KCNN3: variants seen among roughly 807,000 people sequenced by gnomAD.
The protein encoded by KCNN3 is small conductance calcium-activated potassium channel protein 3.
Under a neutral mutation model 62.9 loss-of-function variants are expected in KCNN3, and 16 were observed. That is an observed-to-expected ratio of 0.25 (90% confidence interval 0.17 to 0.39). KCNN3 has a LOEUF of 0.39. KCNN3 is among the 10% of genes least tolerant of loss of function. The pLI is 1.00. For missense variants in KCNN3, 599 were observed against 949.4 expected (o/e 0.63, Z 4.85); for synonymous variants, 370 against 389.2 (o/e 0.95, Z 0.58).
At chr1:154,735,811 C>A (rs1377677668) in intron 3 of KCNN3, among the ~76,000 whole-genome samples, 1 of 152,224 alleles carries the variant, frequency 6.6e-6, no homozygotes. Flanking sequence ...CAGACCCTAT[C>A]CTCAGGCCCT....
intron 2 of KCNN3, among the ~76,000 whole-genome samples, chr1:154,810,991 T>A (rs1224213085): frequency 6.6e-6 from 1 of 152,198 alleles, no homozygotes; most frequent in East Asian, 1.9e-4. Flanking sequence ...AGTTGCTTTA[T>A]CTATAAAGGG....
At position 154,732,980 on chromosome 1, in the gene KCNN3, A is replaced by G. The variant is rs369299689; in HGVS notation, c.1590+23T>C. The stretch of plus-strand genomic sequence containing the variant: ...TCTTTGCCACATTTTAAGGGTAGGG[A>G]ATGGGGAGAGGCGGGTACTCACCAT... On this transcript the variant is annotated intron_variant, in intron 4 of 7. Coordinates refer to ENST00000271915, the MANE Select transcript of KCNN3 (RefSeq NM_002249.6). 3.5e-5 allele frequency: 57 copies of G among 1,613,550 alleles called. No individual in the cohort carries two copies. The African/African-American group carries it at 7.3e-4, about 21-fold the overall frequency.
intron 4 of KCNN3, among the ~76,000 whole-genome samples, chr1:154,729,673 A>T (rs952898700): frequency 8.5e-5 from 13 of 152,228 alleles, no homozygotes; most frequent in African/African-American, 3.1e-4. Flanking sequence ...TTACAGTTGG[A>T]TTCTGTTTCT....
At chr1:154,725,132 G>A (rs1415397270) in intron 5 of KCNN3, among the ~76,000 whole-genome samples, 1 of 152,182 alleles carries the variant, frequency 6.6e-6, no homozygotes, top group Non-Finnish European at 1.5e-5. Context: ...GGGATTACAG[G>A]CGTGAGCCGC....
At chr1:154,833,541 A>G (rs1651459968) in intron 1 of KCNN3, among the ~76,000 whole-genome samples, 1 of 152,220 alleles carries the variant, frequency 6.6e-6, no homozygotes, top group Admixed American at 6.5e-5. Flanking sequence ...TAGCTGGAAG[A>G]GGCCTTCTAA....
chr1:154,820,884 T>G (rs1352476259), intron 2 of KCNN3, among the ~76,000 whole-genome samples: 2 of 152,238 alleles, frequency 1.3e-5, no homozygotes, highest in Non-Finnish European at 2.9e-5. Context: ...CCAGCCACAG[T>G]GGCCCCTGAC....
chr1:154,749,555 T>C (rs1429572445), intron 3 of KCNN3, among the ~76,000 whole-genome samples: 1 of 152,206 alleles, frequency 6.6e-6, no homozygotes, highest in East Asian at 1.9e-4. Context: ...GTGGGAGCTC[T>C]GGTTGGGCGT....
At chr1:154,868,568 G>A (rs1034834329) in intron 1 of KCNN3, among the ~76,000 whole-genome samples, 9 of 149,312 alleles carry the variant, frequency 6.0e-5, no homozygotes, top group Non-Finnish European at 1.3e-4. Flanking sequence ...GCAGGGAGGG[G>A]AGGAAAGAAG....
chr1:154,861,333 T>TGC (rs1392353713), intron 1 of KCNN3, among the ~76,000 whole-genome samples: 41 of 152,150 alleles, frequency 2.7e-4, no homozygotes, highest in Non-Finnish European at 7.4e-5. Context: ...TGCAGAACTC[T>TGC]GCAGCCCTGG....
intron 3 of KCNN3, among the ~76,000 whole-genome samples, chr1:154,757,819 G>A (rs1320888921): frequency 3.3e-5 from 5 of 152,170 alleles, no homozygotes; most frequent in Non-Finnish European, 7.4e-5. Flanking sequence ...TTGGAGCAGA[G>A]AAGATTCAAC....
chr1:154,774,492 C>T lies in KCNN3; in HGVS notation c.1030-2099G>A, dbSNP rs533450606. 4.8e-4 allele frequency among the ~76,000 whole-genome samples: 73 copies of T among 152,320 alleles called. No individual in the cohort carries two copies. In the South Asian group the frequency reaches 9.5e-3, roughly 20 times the overall value. ...AAGCCTCTAAAGTCTCATCCAGCTC[C>T]GATGATTTGATTCTTGGAGGGTGAG... On this transcript the variant is annotated intron_variant, in intron 2 of 7. Coordinates refer to ENST00000271915, the MANE Select transcript of KCNN3 (RefSeq NM_002249.6).
chr1:154,847,205 C>T (rs147821402), intron 1 of KCNN3, among the ~76,000 whole-genome samples: 59 of 150,936 alleles, frequency 3.9e-4, no homozygotes, highest in Middle Eastern at 3.4e-3. Context: ...CTCCTCACTA[C>T]CCCCCCCTGC....
intron 3 of KCNN3, among the ~76,000 whole-genome samples, chr1:154,750,508 AC>A (rs1647319671): frequency 6.8e-6 from 1 of 146,500 alleles, no homozygotes; most frequent in Admixed American, 6.8e-5. Context: ...ATAGAGCAAA[AC>A]CCCCTTCGCA....
At chr1:154,868,924 CTCTCTCTCTCTCAA>C in intron 1 of KCNN3, 94 bp downstream of exon 1, 1 of 1,084,840 alleles carries the variant, frequency 9.2e-7, no homozygotes, top group Non-Finnish European at 1.4e-6. Flanking sequence ...CTCTCTCTCT[CTCTCTCTCTCTCAA>C]TCTCTCTCTC....
intron 3 of KCNN3, among the ~76,000 whole-genome samples, chr1:154,733,619 C>A (rs1437698724): frequency 6.6e-6 from 1 of 152,194 alleles, no homozygotes; most frequent in Non-Finnish European, 1.5e-5. Flanking sequence ...CAAAGACTGG[C>A]ATCTCCCGGG....
intron 4 of KCNN3, among the ~76,000 whole-genome samples, chr1:154,726,636 G>T (rs1001031711): frequency 6.6e-6 from 1 of 152,212 alleles, no homozygotes; most frequent in African/African-American, 2.4e-5. Context: ...TCTACACTTG[G>T]GCTTTTTCAC....
At position 154,755,836 on chromosome 1, in the gene KCNN3, AGGG is replaced by A. The variant is rs1354358418; in HGVS notation, c.1448+16136_1448+16138del. On this transcript the variant is annotated intron_variant, in intron 3 of 7. Coordinates refer to ENST00000271915, the MANE Select transcript of KCNN3 (RefSeq NM_002249.6). ...AAGGCAAAGAAGAAGAAGGAGGAGG[AGGG>A]GGAAAGAAGGAAGAAGGAAGAAGAA... Among the ~76,000 whole-genome samples the A allele has an allele frequency of 3.5e-4, 44 of 126,624 alleles. 1 individual carries two copies. The highest frequency in any genetic ancestry group is 3.9e-4 in the Non-Finnish European group (23 of 58,650). The allele number at this position is 126,624 out of a possible 152,430, so 83.1% of individuals were successfully genotyped here.
intron 4 of KCNN3, among the ~76,000 whole-genome samples, chr1:154,727,048 T>A (rs958863105): frequency 6.6e-6 from 1 of 152,220 alleles, no homozygotes; most frequent in South Asian, 2.1e-4. Flanking sequence ...CTTGTGAGCA[T>A]AGGGGGAATT....
Position 154,704,004 on chromosome 1 carries a change from G to C in KCNN3, c.*3972C>G, listed in dbSNP as rs1415832615. On this transcript the variant is annotated 3_prime_UTR_variant, in exon 8 of 8. Transcript: ENST00000271915. ...ATTTTTATTTATTCTGATTTTGTATGACTAGGTTTCTTCTTTTCCATGATT... is the reference window on the plus strand; with the variant it reads ...ATTTTTATTTATTCTGATTTTGTATCACTAGGTTTCTTCTTTTCCATGATT... 1 of 152,200 alleles carries C rather than the reference G, an allele frequency of 6.6e-6. No individual in the cohort carries two copies. Among genetic ancestry groups the C allele is most frequent in the African/African-American group, 2.4e-5 (1 of 41,462 alleles). 9.4% of individuals were successfully genotyped at this position (152,200 alleles called of 1,614,324 possible). A position where few individuals can be genotyped will look rare whatever the true frequency, so the allele number is the denominator to read the frequency against.
Sources: gnomAD v4.1 joint callset for allele counts (sites outside exome capture counted in the v4.1 genomes callset) on GRCh38, gnomAD v4.1.1 for gene constraint, MANE v1.5 for transcripts, NCBI Gene and HGNC (gene_info 2026-07-23, HGNC 2026-07-21) for gene names.